Variants in SPOCK3 observed in about 807,000 individuals in gnomAD.
SPOCK3 encodes the protein SPARC (osteonectin), cwcv and kazal like domains proteoglycan 3.
A neutral mutation model predicts 56.6 loss-of-function variants in SPOCK3; 30 were observed. That is an observed-to-expected ratio of 0.53 (90% CI 0.40 to 0.72). The LOEUF (loss-of-function observed/expected upper bound fraction) is 0.72, where lower values mean the gene tolerates loss of function less well. SPOCK3 is among the 30% of genes least tolerant of loss of function. The pLI is 0.00. For missense variants in SPOCK3, 527 were observed against 530.0 expected (o/e 0.99, Z 0.06); for synonymous variants, 196 against 183.3 (o/e 1.07, Z -0.56).
In SPOCK3 at chr4:167,150,300, GT is replaced by G. The variant is rs200017662; in HGVS notation, c.189+83684del. 6.2e-4 allele frequency among the ~76,000 whole-genome samples: 93 copies of G among 150,920 alleles called. 3 individuals carry two copies. The highest frequency in any genetic ancestry group is 3.9e-4 in the East Asian group (2 of 5,150). On this transcript the variant is annotated intron_variant, in intron 2 of 10. Transcript: ENST00000357545. ...GTGTAGACTATAAAGACTACTGATG[GT>G]TTTTTTTTAATGTAAAAATGAATAC... is the stretch of plus-strand genomic sequence containing the variant.
chr4:167,061,666 CACTT>C (rs1733072702), intron 3 of SPOCK3, among the ~76,000 whole-genome samples: 1 of 151,908 alleles, frequency 6.6e-6, no homozygotes, highest in Non-Finnish European at 1.5e-5. Context: ...ATCATCTAAT[CACTT>C]ACTAAACACT....
chr4:166,749,154 T>C (rs6553840), intron 8 of SPOCK3, among the ~76,000 whole-genome samples: 97,680 of 135,586 alleles, frequency 0.72, 40,255 homozygotes, highest in South Asian at 0.78. Context: ...CCCAAAGGAT[T>C]ATAAATCATG....
chr4:167,216,882 A>G (rs1380058099), intron 2 of SPOCK3, among the ~76,000 whole-genome samples: 1 of 152,148 alleles, frequency 6.6e-6, no homozygotes, highest in Non-Finnish European at 1.5e-5. Flanking sequence ...TTGGAAAAGC[A>G]TCAGTTTAAT....
chr4:166,814,020 A>C (rs1438613409), intron 6 of SPOCK3, among the ~76,000 whole-genome samples: 1 of 152,084 alleles, frequency 6.6e-6, no homozygotes, highest in Non-Finnish European at 1.5e-5. Flanking sequence ...GCCTTACAAA[A>C]AGTTTACAGG....
intron 2 of SPOCK3, among the ~76,000 whole-genome samples, chr4:167,109,456 A>G (rs1171100030): frequency 9.6e-6 from 1 of 103,690 alleles, no homozygotes; most frequent in African/African-American, 3.6e-5. Context: ...ATATTTATAT[A>G]CATATATAGT....
chr4:166,734,766 G>A lies in SPOCK3; in HGVS notation c.*155C>T. 1 of 646,540 alleles carries A rather than the reference G, an allele frequency of 1.5e-6. No individual in the cohort carries two copies. Among genetic ancestry groups the A allele is most frequent in the South Asian group, 3.0e-5 (1 of 32,900 alleles). 40.1% of individuals were successfully genotyped at this position (646,540 alleles called of 1,614,324 possible). On this transcript the variant is annotated 3_prime_UTR_variant, in exon 11 of 11. Transcript: ENST00000357545. The stretch of plus-strand genomic sequence containing the variant: ...CAAATGATTCTTATTTAAACATAAA[G>A]TTCTATAACTTTAGCTGCAATTTTT...
intron 2 of SPOCK3, among the ~76,000 whole-genome samples, chr4:167,191,907 C>T (rs932348497): frequency 1.4e-5 from 2 of 145,410 alleles, no homozygotes; most frequent in South Asian, 2.1e-4. Flanking sequence ...ATAAGGTTGG[C>T]CACAAGCTTC....
At chr4:166,910,015 T>C (rs556252636) in intron 5 of SPOCK3, among the ~76,000 whole-genome samples, 8 of 152,114 alleles carry the variant, frequency 5.3e-5, no homozygotes, top group Non-Finnish European at 1.0e-4. Context: ...CACCAACATA[T>C]TGAAGTCCTT....
At chr4:167,210,025 G>A (rs1039670956) in intron 2 of SPOCK3, among the ~76,000 whole-genome samples, 1 of 152,100 alleles carries the variant, frequency 6.6e-6, no homozygotes, top group Non-Finnish European at 1.5e-5. Flanking sequence ...CTGTCAAGGA[G>A]GCAATTGTAG....
At chr4:166,799,881 C>T (rs1166962540) in intron 6 of SPOCK3, among the ~76,000 whole-genome samples, 1 of 151,884 alleles carries the variant, frequency 6.6e-6, no homozygotes, top group Non-Finnish European at 1.5e-5. Context: ...TCAACAAGTT[C>T]CTTAAAAAGT....
At chr4:166,925,484 G>A (rs1738989824) in intron 4 of SPOCK3, among the ~76,000 whole-genome samples, 1 of 152,070 alleles carries the variant, frequency 6.6e-6, no homozygotes, top group Admixed American at 6.6e-5. Context: ...TTTATATTGT[G>A]TGATACCATT....
chr4:166,838,105 C>T (rs978789679), intron 6 of SPOCK3, among the ~76,000 whole-genome samples: 44 of 152,014 alleles, frequency 2.9e-4, no homozygotes, highest in Non-Finnish European at 4.7e-4. Context: ...ATTCTTTCTT[C>T]ATCTTTAGTT....
At chr4:167,131,362 G>C (rs1473735323) in intron 2 of SPOCK3, among the ~76,000 whole-genome samples, 5 of 152,202 alleles carry the variant, frequency 3.3e-5, no homozygotes, top group Non-Finnish European at 7.4e-5. Flanking sequence ...CTGAGACGGT[G>C]AATCAACTGA....
intron 4 of SPOCK3, among the ~76,000 whole-genome samples, chr4:166,975,606 T>C (rs947089565): frequency 3.4e-4 from 51 of 152,188 alleles, no homozygotes; most frequent in African/African-American, 2.4e-5. Flanking sequence ...ATATATTCTA[T>C]CTAACTGTAT....
intron 4 of SPOCK3, among the ~76,000 whole-genome samples, chr4:166,958,774 A>G (rs774017879): frequency 6.6e-5 from 10 of 152,204 alleles, no homozygotes; most frequent in Non-Finnish European, 1.2e-4. Flanking sequence ...TCCTTCTACT[A>G]GAACCTAAGG....
chr4:167,157,968 A>C (rs1432140538), intron 2 of SPOCK3, among the ~76,000 whole-genome samples: 1 of 151,970 alleles, frequency 6.6e-6, no homozygotes, highest in Admixed American at 6.6e-5. Flanking sequence ...AGAGGTCTTT[A>C]TATTATTTTC....
chr4:166,887,873 A>AG (rs1190982238), intron 6 of SPOCK3, among the ~76,000 whole-genome samples: 1 of 151,550 alleles, frequency 6.6e-6, no homozygotes, highest in Admixed American at 6.6e-5. Flanking sequence ...AAAAAAAAAA[A>AG]AAGAAGAGAG....
In SPOCK3 at chr4:166,988,653, A is replaced by T. The variant is rs1162203013; in HGVS notation, c.350+11696T>A. Among the ~76,000 whole-genome samples the T allele has an allele frequency of 3.3e-5, 5 of 152,272 alleles. No homozygotes were observed. In the East Asian group the frequency reaches 9.7e-4, roughly 29 times the overall value. ...TCACAGGCAACTAATAATAGAATTCATAGGCAGCAGATAATGGGAGGCTTT... is the reference window on the plus strand; with the variant it reads ...TCACAGGCAACTAATAATAGAATTCTTAGGCAGCAGATAATGGGAGGCTTT... On this transcript the variant is annotated intron_variant, in intron 4 of 10. Transcript: ENST00000357545.
intron 7 of SPOCK3, among the ~76,000 whole-genome samples, chr4:166,781,543 G>A (rs929085421): frequency 6.6e-6 from 1 of 151,940 alleles, no homozygotes; most frequent in Non-Finnish European, 1.5e-5. Context: ...ATCTAAGAGA[G>A]AAGTAATTAA....
Sources: gnomAD v4.1 joint callset for allele counts (sites outside exome capture counted in the v4.1 genomes callset) on GRCh38, gnomAD v4.1.1 for gene constraint, MANE v1.5 for transcripts, NCBI Gene and HGNC (gene_info 2026-07-23, HGNC 2026-07-21) for gene names.